Variants in TNMD observed in about 807,000 individuals in gnomAD.
TNMD encodes the protein tenomodulin.
Under a neutral mutation model 26.9 loss-of-function variants are expected in TNMD, and 15 were observed. The observed-to-expected ratio is 0.56, with a 90% confidence interval of 0.37 to 0.86. TNMD has a LOEUF of 0.86. Among genes scored for constraint, TNMD ranks in the 40% least tolerant of loss-of-function variants. The pLI is 0.00. For synonymous variants in TNMD, 73 were observed against 77.0 expected (o/e 0.95, Z 0.27); for missense variants, 222 against 242.6 (o/e 0.92, Z 0.56).
chrX:100,599,145 G>A lies in TNMD; in HGVS notation c.707G>A (p.Arg236Lys). ...QVKVEKTRHA[R>K]QASEEELPIN... ...AAAGTAGAGAAGACCCGTCACGCCA[G>A]ACAAGCAAGTGAGGAAGAACTTCCA... is the stretch of plus-strand genomic sequence containing the variant. Residue 236 changes from arginine to lysine, a missense_variant, in exon 6 of 7, where the codon AGA becomes AAA. Coordinates refer to ENST00000373031, the MANE Select transcript of TNMD (RefSeq NM_022144.3). 1.7e-6 allele frequency: 2 copies of A among 1,202,232 alleles called. No individual in the cohort carries two copies. Among genetic ancestry groups the A allele is most frequent in the Non-Finnish European group, 2.2e-6 (2 of 890,874 alleles).
At position 100,592,412 on chromosome X, in the gene TNMD, T is replaced by C. The variant is rs557905709; in HGVS notation, c.181-1483T>C. ...GTTAACTCTGCAGTTGCCAGAGAGT[T>C]CTAAGTATTGTTTTTCTTTCACTTT... is the stretch of plus-strand genomic sequence containing the variant. On this transcript the variant is annotated intron_variant, in intron 2 of 6. Coordinates refer to ENST00000373031, the MANE Select transcript of TNMD (RefSeq NM_022144.3). Among the ~76,000 whole-genome samples the C allele has an allele frequency of 2.7e-5, 3 of 112,561 alleles. No homozygotes were observed. The Middle Eastern group carries it at 0.014, about 519-fold the overall frequency.
At chrX:100,587,974 T>C (rs773996654) in intron 2 of TNMD, among the ~76,000 whole-genome samples, 25 of 111,918 alleles carry the variant, frequency 2.2e-4, no homozygotes, top group Admixed American at 2.1e-3. Context: ...GAGCTGTGCA[T>C]GCAACTGTGC....
chrX:100,584,988 G>A lies in TNMD; in HGVS notation c.-31G>A, dbSNP rs753122283. Reference sequence around the variant, plus strand: ...GCAGTGGTCTCTCAGTCCTCTCAAAGCAAGGAAAGAGTACTGTGTGCTGAG... The same window carrying A: ...GCAGTGGTCTCTCAGTCCTCTCAAAACAAGGAAAGAGTACTGTGTGCTGAG... On this transcript the variant is annotated 5_prime_UTR_variant, in exon 1 of 7. Coordinates refer to ENST00000373031, the MANE Select transcript of TNMD (RefSeq NM_022144.3). 179 of 1,194,403 alleles carry A rather than the reference G, an allele frequency of 1.5e-4. No homozygotes were observed. Among genetic ancestry groups the A allele is most frequent in the Non-Finnish European group, 1.9e-4 (167 of 886,996 alleles).
chrX:100,586,334 G>T (rs1742188494), intron 2 of TNMD, among the ~76,000 whole-genome samples: 1 of 111,747 alleles, frequency 8.9e-6, no homozygotes, highest in Admixed American at 9.5e-5. Flanking sequence ...TTTGGTAACA[G>T]ATGTAGGGAG....
At chrX:100,593,618 G>A (rs1382386319) in intron 2 of TNMD, 2 of 208,681 alleles carry the variant, frequency 9.6e-6, no homozygotes, top group Non-Finnish European at 8.2e-6. Flanking sequence ...ACTTGGAAAG[G>A]GAAGTGGTAG....
chrX:100,593,432 T>A, intron 2 of TNMD: 7 of 694,632 alleles, frequency 1.0e-5, no homozygotes, highest in Non-Finnish European at 1.2e-5. Context: ...AAGGAGAAAG[T>A]CTTCAGATTC....
chrX:100,591,448 G>C lies in TNMD; in HGVS notation c.181-2447G>C, dbSNP rs778663230. On this transcript the variant is annotated intron_variant, in intron 2 of 6. Coordinates refer to ENST00000373031, the MANE Select transcript of TNMD (RefSeq NM_022144.3). ...TTGTGATGCCAAAGGCATGAGCTCA[G>C]TCTTCATACGGGCCAGTGAAGCTTG... 4.5e-5 allele frequency among the ~76,000 whole-genome samples: 5 copies of C among 112,063 alleles called. No individual in the cohort carries two copies. The South Asian group carries it at 1.9e-3, about 43-fold the overall frequency.
intron 2 of TNMD, among the ~76,000 whole-genome samples, chrX:100,592,127 C>A (rs1034400473): frequency 9.0e-6 from 1 of 111,731 alleles, no homozygotes; most frequent in Non-Finnish European, 1.9e-5. Flanking sequence ...TGGCTAGTGG[C>A]ATCAACATTT....
At chrX:100,585,575 G>A (rs2057605488) in intron 2 of TNMD, among the ~76,000 whole-genome samples, 1 of 111,472 alleles carries the variant, frequency 9.0e-6, no homozygotes, top group South Asian at 3.8e-4. Flanking sequence ...ATTTTGGTTA[G>A]TAATGATAGG....
intron 6 of TNMD, 57 bp from the exon 7 acceptor site, chrX:100,599,451 A>G: frequency 2.9e-6 from 3 of 1,049,078 alleles, no homozygotes; most frequent in Non-Finnish European, 3.9e-6. Context: ...CTTGGTGAGA[A>G]CTCTTGCTAG....
intron 2 of TNMD, among the ~76,000 whole-genome samples, chrX:100,592,751 A>C (rs2082941380): frequency 8.9e-6 from 1 of 112,554 alleles, no homozygotes; most frequent in Non-Finnish European, 1.9e-5. Flanking sequence ...AGACTAAAAA[A>C]TGACCCAACC....
rs767342722 is a variant in TNMD, at chrX:100,594,380, T to C, written c.423+18T>C. ...TAGATGAGGTATGTAAGAAGAATAA[T>C]TGTGGTGGCAAAAGACATCATTTAT... On this transcript the variant is annotated intron_variant, in intron 4 of 6. Coordinates refer to ENST00000373031, the MANE Select transcript of TNMD (RefSeq NM_022144.3). 18 of 1,041,390 alleles carry C rather than the reference T, an allele frequency of 1.7e-5. No homozygotes were observed. In the East Asian group the frequency reaches 5.2e-4, roughly 30 times the overall value. The allele number at this position is 1,041,390 out of a possible 1,213,427, so 85.8% of individuals were successfully genotyped here.
intron 5 of TNMD, among the ~76,000 whole-genome samples, chrX:100,598,709 A>G (rs1321372033): frequency 8.9e-6 from 1 of 112,676 alleles, no homozygotes; most frequent in Non-Finnish European, 1.9e-5. Flanking sequence ...CATGGGTAAA[A>G]TCATCATTGT....
intron 2 of TNMD, among the ~76,000 whole-genome samples, chrX:100,591,618 C>T (rs1181300472): frequency 1.8e-5 from 2 of 111,581 alleles, no homozygotes; most frequent in Admixed American, 1.9e-4. Context: ...CAAAAGGACA[C>T]CTTTGATAGT....
intron 2 of TNMD, among the ~76,000 whole-genome samples, chrX:100,591,393 A>G (rs2082937171): frequency 8.9e-6 from 1 of 111,857 alleles, no homozygotes; most frequent in Non-Finnish European, 1.9e-5. Flanking sequence ...TCAACCCCTG[A>G]GCCAGGAAGC....
chrX:100,585,481 T>G, intron 2 of TNMD, 119 bp downstream of exon 2: 6 of 838,610 alleles, frequency 7.2e-6, no homozygotes, highest in Non-Finnish European at 9.6e-6. Context: ...GTTTATTTTC[T>G]GGTGGTATGA....
rs759224408 is a variant in TNMD, at chrX:100,599,004, T to C, written c.578-12T>C. 1.7e-6 allele frequency: 2 copies of C among 1,180,477 alleles called. No homozygotes were observed. The highest frequency in any genetic ancestry group is 2.3e-6 in the Non-Finnish European group (2 of 878,415). On this transcript the variant is annotated splice_polypyrimidine_tract_variant and intron_variant, in intron 5 of 6. Coordinates refer to ENST00000373031, the MANE Select transcript of TNMD (RefSeq NM_022144.3). ...AAGCAGTTGCATCACAACTTTGCAT[T>C]TATTATCTTAGTTTCTGAGTTACAA... is the stretch of plus-strand genomic sequence containing the variant.
At chrX:100,594,182 C>G (rs1602688533) in intron 3 of TNMD, 79 bp from the exon 4 acceptor site, 1 of 968,322 alleles carries the variant, frequency 1.0e-6, no homozygotes, top group Non-Finnish European at 1.4e-6. Flanking sequence ...TTTTGCTAGT[C>G]TGGGACCCCA....
chrX:100,596,608 G>A (rs369858331), intron 4 of TNMD, among the ~76,000 whole-genome samples: 41 of 111,325 alleles, frequency 3.7e-4, no homozygotes, highest in East Asian at 1.7e-3. Context: ...TAAACATGCA[G>A]AGCAGGTATA....
Sources: allele counts gnomAD v4.1 joint callset (sites outside exome capture counted in the v4.1 genomes callset), GRCh38; gene constraint gnomAD v4.1.1; transcripts MANE v1.5; gene names NCBI Gene and HGNC (gene_info 2026-07-23, HGNC 2026-07-21).